The following CAPN14 variants were observed in gnomAD, a reference collection of about 807,000 sequenced individuals.
The protein encoded by CAPN14 is calpain-14.
CAPN14 carries 94 observed loss-of-function variants against 101.3 expected under a neutral mutation model. That is an observed-to-expected ratio of 0.93 (90% CI 0.79 to 1.10). CAPN14 has a LOEUF of 1.10. CAPN14 is among the 50% of genes least tolerant of loss of function. The probability of loss-of-function intolerance (pLI) is 0.00; values close to 1 mark genes in which losing one functional copy is unlikely to be tolerated. For synonymous variants in CAPN14, 338 were observed against 317.9 expected (o/e 1.06, Z -0.67); for missense variants, 837 against 828.4 (o/e 1.01, Z -0.13).
Position 31,177,029 on chromosome 2 carries a change from C to A in CAPN14, c.1969G>T (p.Glu657Ter). Residue 657 changes from glutamate (E) to a stop codon, truncating the protein, a stop_gained, in exon 20 of 22, where the codon GAG becomes TAG. Transcript: ENST00000403897. LOFTEE classifies it high-confidence loss of function. ...CCCCAGCTTCCCGCCAGCTTACCCTCCATGTTCTCTACACGCAGCATCAAG... is the reference window on the plus strand; with the variant it reads ...CCCCAGCTTCCCGCCAGCTTACCCTACATGTTCTCTACACGCAGCATCAAG... Reference protein sequence around the residue: ...IHLMLRVENMEDVFQNLTQDG... With the variant: ...IHLMLRVENM 6.4e-7 allele frequency: 1 copy of A among 1,550,422 alleles called. No homozygotes were observed. The highest frequency in any genetic ancestry group is 1.2e-5 in the South Asian group (1 of 83,918).
chr2:31,182,002 T>G (rs1680667767), intron 16 of CAPN14, among the ~76,000 whole-genome samples: 1 of 152,050 alleles, frequency 6.6e-6, no homozygotes, highest in East Asian at 1.9e-4. Context: ...TGTGTCTTTA[T>G]AGCAGCATGA....
chr2:31,177,963 G>A, intron 18 of CAPN14, 142 bp from the exon 19 acceptor site: 2 of 666,906 alleles, frequency 3.0e-6, no homozygotes, highest in Non-Finnish European at 5.5e-6. Context: ...GCCAGGATAA[G>A]AATATGGCAG....
At chr2:31,195,628 T>A (rs568987474) in intron 8 of CAPN14, among the ~76,000 whole-genome samples, 14 of 152,218 alleles carry the variant, frequency 9.2e-5, no homozygotes, top group Non-Finnish European at 1.8e-4. Context: ...TGAGTCACTA[T>A]GCCCAGCCAA....
chr2:31,218,559 T>C (rs916028257), upstream of CAPN14, among the ~76,000 whole-genome samples: 1 of 152,210 alleles, frequency 6.6e-6, no homozygotes, highest in Non-Finnish European at 1.5e-5. Flanking sequence ...TTGATAATAA[T>C]AGCCAACACG....
At chr2:31,180,914 A>C in intron 17 of CAPN14, 22 bp downstream of exon 17, 2 of 1,548,770 alleles carry the variant, frequency 1.3e-6, no homozygotes, top group Non-Finnish European at 1.7e-6. Flanking sequence ...GCAAGCATCC[A>C]CCCACAAACC....
rs200116287 is a variant in CAPN14, at chr2:31,206,021, A to ATTTTTT, written c.-52-528_-52-523dup. ...CAAAACCTCCTCCTACATTATCTTT[A>ATTTTTT]TTTTTTTTATTTATTTATTTTTTTT... On this transcript the variant is annotated intron_variant, in intron 1 of 21. Transcript: ENST00000403897. Among the ~76,000 whole-genome samples, 406 of 108,674 alleles carry ATTTTTT rather than the reference A, an allele frequency of 3.7e-3. 27 individuals are homozygous for ATTTTTT. The highest frequency in any genetic ancestry group is 0.011 in the Middle Eastern group (2 of 178). The allele number at this position is 108,674 out of a possible 152,430, so 71.3% of individuals were successfully genotyped here. A position where few individuals can be genotyped will look rare whatever the true frequency, so the allele number is the denominator to read the frequency against.
In CAPN14 at chr2:31,207,788, A is replaced by C. The variant is rs149286087; in HGVS notation, c.-52-2289T>G. 2.9e-3 allele frequency among the ~76,000 whole-genome samples: 437 copies of C among 152,334 alleles called. 2 individuals carry two copies. Among genetic ancestry groups the C allele is most frequent in the African/African-American group, 9.7e-3 (404 of 41,568 alleles). Reference sequence around the variant, plus strand: ...CTCAAAAAAGAAGTTAGATTCAACAAAAATTAAATTAAATTTAAATTATTT... The same window carrying C: ...CTCAAAAAAGAAGTTAGATTCAACACAAATTAAATTAAATTTAAATTATTT... On this transcript the variant is annotated intron_variant, in intron 1 of 21. Coordinates refer to ENST00000403897, the MANE Select transcript of CAPN14 (RefSeq NM_001145122.2).
intron 9 of CAPN14, 29 bp from the exon 10 acceptor site, chr2:31,193,323 G>A: frequency 5.8e-6 from 9 of 1,548,984 alleles, no homozygotes; most frequent in Non-Finnish European, 7.9e-6. Flanking sequence ...AAAGCACAAA[G>A]AGATGGACCA....
At chr2:31,198,082 G>C (rs1451447225) in intron 7 of CAPN14, among the ~76,000 whole-genome samples, 2 of 152,190 alleles carry the variant, frequency 1.3e-5, no homozygotes, top group Admixed American at 6.5e-5. Flanking sequence ...AATCTAAAGG[G>C]AAAAGTCAAG....
chr2:31,222,176 A>C (rs1191496449), upstream of CAPN14, among the ~76,000 whole-genome samples: 1 of 152,234 alleles, frequency 6.6e-6, no homozygotes, highest in East Asian at 1.9e-4. Flanking sequence ...TACAGTTCCA[A>C]GGAAAGGTTT....
chr2:31,206,213 T>G (rs994591783), intron 1 of CAPN14, among the ~76,000 whole-genome samples: 9 of 151,848 alleles, frequency 5.9e-5, no homozygotes, highest in Non-Finnish European at 1.2e-4. Context: ...AGCTCCCACG[T>G]GGAGGCCTCC....
At chr2:31,181,390 CTTTCTTTTTT>C (rs879551209) in intron 16 of CAPN14, among the ~76,000 whole-genome samples, 1,408 of 136,148 alleles carry the variant, frequency 0.01, 12 homozygotes, top group African/African-American at 0.019. Flanking sequence ...TTCTTTTTTT[CTTTCTTTTTT>C]TCTTTCTTTC....
chr2:31,176,785 C>T lies in CAPN14; in HGVS notation c.1973-143G>A, dbSNP rs148989299. 6.2e-4 allele frequency: 477 copies of T among 773,256 alleles called. 5 individuals are homozygous for T. In the East Asian group the frequency reaches 0.012, roughly 19 times the overall value. 47.9% of individuals were successfully genotyped at this position (773,256 alleles called of 1,614,324 possible). A position where few individuals can be genotyped will look rare whatever the true frequency, so the allele number is the denominator to read the frequency against. ...GTGTCAGCCTACATGTGACCACACG[C>T]AGCCACATCTATGATAAGTGAGCCA... On this transcript the variant is annotated intron_variant, in intron 20 of 21. Coordinates refer to ENST00000403897, the MANE Select transcript of CAPN14 (RefSeq NM_001145122.2).
intron 1 of CAPN14, among the ~76,000 whole-genome samples, chr2:31,231,603 G>A (rs771401772): frequency 6.6e-5 from 10 of 152,162 alleles, no homozygotes; most frequent in Admixed American, 2.6e-4. Context: ...AGACTGAGAC[G>A]GGAGTAGATG....
Position 31,202,142 on chromosome 2 carries a change from G to T in CAPN14, c.406C>A (p.Arg136=), listed in dbSNP as rs764024066. The T allele has an allele frequency of 7.9e-5, 123 of 1,551,632 alleles. No individual in the cohort carries two copies. The highest frequency in any genetic ancestry group is 9.9e-5 in the Non-Finnish European group (114 of 1,146,910). ...CCCGGGAAGACACTCACCCAGAACC[G>T]GAAGATGCCAGCATACTTCTCAGTG... ...SFTEKYAGIF[R]FWFWHYGNWV... is the part of the protein sequence containing the mutation. Residue 136 remains arginine (R), a synonymous_variant, in exon 4 of 22, where the codon CGG becomes AGG. Transcript: ENST00000403897.
chr2:31,192,491 G>A (rs61545713), intron 10 of CAPN14, among the ~76,000 whole-genome samples: 1 of 152,160 alleles, frequency 6.6e-6, no homozygotes, highest in Non-Finnish European at 1.5e-5. Flanking sequence ...TCAGACTATG[G>A]GGGAAATACT....
chr2:31,233,107 G>A (rs1367065763), intron 1 of CAPN14, among the ~76,000 whole-genome samples: 3 of 152,214 alleles, frequency 2.0e-5, no homozygotes. Context: ...GATCTGCCAT[G>A]AAGGTTAAAT....
At chr2:31,191,879 C>A in intron 11 of CAPN14, 56 bp downstream of exon 11, 1 of 1,432,814 alleles carries the variant, frequency 7.0e-7, no homozygotes, top group South Asian at 1.4e-5. Flanking sequence ...GACATGGTAA[C>A]TGTTGGTGAC....
In CAPN14 at chr2:31,205,437, C is replaced by T. The variant is rs1682024627; in HGVS notation, c.11G>A (p.Trp4Ter). The T allele has an allele frequency of 6.4e-7, 1 of 1,551,372 alleles. No individual in the cohort carries two copies. Among genetic ancestry groups the T allele is most frequent in the East Asian group, 2.4e-5 (1 of 40,914 alleles). The change falls in exon 2 of 22, where the codon TGG (tryptophan) becomes TAG (stop). Residue 4 changes from tryptophan to a stop codon, truncating the protein, a stop_gained. Coordinates refer to ENST00000403897, the MANE Select transcript of CAPN14 (RefSeq NM_001145122.2). LOFTEE classifies it high-confidence loss of function. MSL[W>*]PPFRCRWKLA... ...CTTCCATCTGCATCGGAAAGGTGGC[C>T]ACAGAGACATGGCAGGTGGTGGGTA...
Sources: allele counts gnomAD v4.1 joint callset (sites outside exome capture counted in the v4.1 genomes callset), GRCh38; gene constraint gnomAD v4.1.1; transcripts MANE v1.5; gene names NCBI Gene and HGNC (gene_info 2026-07-23, HGNC 2026-07-21).